SDK1: variants seen among roughly 807,000 people sequenced by gnomAD.
The protein encoded by SDK1 is sidekick cell adhesion molecule 1.
SDK1 carries 157 observed loss-of-function variants against 245.5 expected under a neutral mutation model. That is an observed-to-expected ratio of 0.64 (90% CI 0.56 to 0.73). The LOEUF (loss-of-function observed/expected upper bound fraction) is 0.73, where lower values mean the gene tolerates loss of function less well. Among genes scored for constraint, SDK1 ranks in the 30% least tolerant of loss-of-function variants. The probability of loss-of-function intolerance (pLI) is 0.00; values close to 1 mark genes in which losing one functional copy is unlikely to be tolerated. For missense variants in SDK1, 3,583 were observed against 3,002.3 expected (o/e 1.19, Z -4.52); for synonymous variants, 1,647 against 1,278.5 (o/e 1.29, Z -6.15).
At chr7:3,940,872 C>G (rs1304210880) in intron 5 of SDK1, among the ~76,000 whole-genome samples, 1 of 151,994 alleles carries the variant, frequency 6.6e-6, no homozygotes, top group Admixed American at 6.6e-5. Context: ...TCTCTGCAGG[C>G]CATCTCCTGT....
chr7:3,949,001 G>A (rs1436691423), intron 5 of SDK1, among the ~76,000 whole-genome samples: 1 of 152,204 alleles, frequency 6.6e-6, no homozygotes, highest in Non-Finnish European at 1.5e-5. Context: ...CAGGCAGGCC[G>A]TTAGTCTGAT....
At chr7:3,979,217 C>T (rs191615149) in intron 13 of SDK1, among the ~76,000 whole-genome samples, 1 of 152,290 alleles carries the variant, frequency 6.6e-6, no homozygotes, top group Admixed American at 6.5e-5. Context: ...CAAAGGACGG[C>T]TGTGAGGGCG....
intron 17 of SDK1, among the ~76,000 whole-genome samples, chr7:4,039,974 C>G (rs1197333256): frequency 6.6e-6 from 1 of 152,168 alleles, no homozygotes; most frequent in African/African-American, 2.4e-5. Context: ...ATAAGAAGCG[C>G]CCCCACATGC....
chr7:3,381,874 C>T (rs1781496718), intron 1 of SDK1, among the ~76,000 whole-genome samples: 1 of 152,132 alleles, frequency 6.6e-6, no homozygotes, highest in Non-Finnish European at 1.5e-5. Flanking sequence ...CATTATCTTA[C>T]ATAGAAATTA....
chr7:3,342,245 C>G lies in SDK1; in HGVS notation c.298+40361C>G, dbSNP rs149754433. Among the ~76,000 whole-genome samples the G allele has an allele frequency of 2.9e-4, 44 of 152,148 alleles. No individual in the cohort carries two copies. The East Asian group carries it at 5.0e-3, about 17-fold the overall frequency. On this transcript the variant is annotated intron_variant, in intron 1 of 44. Transcript: ENST00000404826. The stretch of plus-strand genomic sequence containing the variant: ...TTTTATATTTTATACAAAATTAACT[C>G]AAAATAGATTATGGACATAAATGTA...
At chr7:3,629,257 C>T (rs575237648) in intron 2 of SDK1, among the ~76,000 whole-genome samples, 77 of 150,220 alleles carry the variant, frequency 5.1e-4, no homozygotes, top group Non-Finnish European at 9.3e-4. Context: ...GCTGAGATCT[C>T]GCCACTGCAC....
chr7:3,597,271 C>CAA lies in SDK1; in HGVS notation c.299-21789_299-21788dup, dbSNP rs59830553. 2.6e-3 allele frequency among the ~76,000 whole-genome samples: 232 copies of CAA among 89,356 alleles called. 1 individual carries two copies. The highest frequency in any genetic ancestry group is 4.0e-3 in the Non-Finnish European group (176 of 44,276). 58.6% of individuals were successfully genotyped at this position (89,356 alleles called of 152,430 possible). A position where few individuals can be genotyped will look rare whatever the true frequency, so the allele number is the denominator to read the frequency against. On this transcript the variant is annotated intron_variant, in intron 1 of 44. Coordinates refer to ENST00000404826, the MANE Select transcript of SDK1 (RefSeq NM_152744.4). ...TGGTCGACAGAGTAAGACTTGGTCT[C>CAA]AAAAAAAAAAAAAAAAAAAAAGAGG...
chr7:3,567,367 A>C (rs1562568125), intron 1 of SDK1, among the ~76,000 whole-genome samples: 1 of 152,188 alleles, frequency 6.6e-6, no homozygotes, highest in African/African-American at 2.4e-5. Context: ...AGTAGCAGCT[A>C]TTATTGTGGA....
intron 1 of SDK1, among the ~76,000 whole-genome samples, chr7:3,322,728 A>G (rs762060356): frequency 2.0e-5 from 3 of 152,200 alleles, no homozygotes; most frequent in Non-Finnish European, 4.4e-5. Context: ...CTGGTTTCAC[A>G]TGCCACTTTC....
chr7:3,975,378 A>C (rs1782838794), intron 13 of SDK1, among the ~76,000 whole-genome samples: 1 of 152,192 alleles, frequency 6.6e-6, no homozygotes, highest in Non-Finnish European at 1.5e-5. Flanking sequence ...ATCGTTTGAC[A>C]TGCTGGGCCT....
At chr7:3,553,246 A>C (rs1023705563) in intron 1 of SDK1, among the ~76,000 whole-genome samples, 1 of 152,198 alleles carries the variant, frequency 6.6e-6, no homozygotes, top group Admixed American at 6.5e-5. Flanking sequence ...TGTTCATAGC[A>C]ATCTAGGAGG....
chr7:3,503,848 A>C (rs969387557), intron 1 of SDK1, among the ~76,000 whole-genome samples: 4 of 151,990 alleles, frequency 2.6e-5, no homozygotes, highest in Non-Finnish European at 5.9e-5. Context: ...AAGACTTAAT[A>C]ATGTTAAAAT....
chr7:4,051,535 A>G, intron 18 of SDK1, 103 bp from the exon 19 acceptor site: 1 of 997,716 alleles, frequency 1.0e-6, no homozygotes, highest in South Asian at 1.6e-5. Flanking sequence ...TTTCTTAATT[A>G]TGACTTTACA....
intron 1 of SDK1, among the ~76,000 whole-genome samples, chr7:3,313,891 CAT>C (rs1186410478): frequency 1.3e-5 from 2 of 152,148 alleles, no homozygotes; most frequent in African/African-American, 2.4e-5. Flanking sequence ...TGTGTCAAAA[CAT>C]GTCGTACACA....
intron 4 of SDK1, among the ~76,000 whole-genome samples, chr7:3,668,358 G>T (rs1006991120): frequency 6.6e-6 from 1 of 152,192 alleles, no homozygotes; most frequent in Non-Finnish European, 1.5e-5. Context: ...GAGTTCATCA[G>T]AGTTAATGAC....
At chr7:3,785,460 A>C (rs1417209061) in intron 4 of SDK1, among the ~76,000 whole-genome samples, 4 of 152,222 alleles carry the variant, frequency 2.6e-5, no homozygotes, top group African/African-American at 9.7e-5. Context: ...CCATACATTT[A>C]TGCAATTGTG....
At chr7:4,150,110 T>C (rs6951961) in intron 30 of SDK1, among the ~76,000 whole-genome samples, 4,887 of 152,138 alleles carry the variant, frequency 0.032, 274 homozygotes, top group African/African-American at 0.11. Flanking sequence ...ACCCACTCTT[T>C]ACAGACAAGG....
intron 30 of SDK1, among the ~76,000 whole-genome samples, chr7:4,155,300 G>C (rs534631601): frequency 1.6e-4 from 24 of 151,990 alleles, no homozygotes; most frequent in African/African-American, 5.3e-4. Flanking sequence ...TGAATGAAGT[G>C]AGTCCGGCAA....
At chr7:3,574,815 A>G (rs1467046915) in intron 1 of SDK1, among the ~76,000 whole-genome samples, 1 of 152,106 alleles carries the variant, frequency 6.6e-6, no homozygotes, top group Admixed American at 6.5e-5. Context: ...GGTGACAGAA[A>G]CTTGACTGAT....
Sources: gnomAD v4.1 joint callset for allele counts (sites outside exome capture counted in the v4.1 genomes callset) on GRCh38, gnomAD v4.1.1 for gene constraint, MANE v1.5 for transcripts, NCBI Gene and HGNC (gene_info 2026-07-23, HGNC 2026-07-21) for gene names.